TRAK1: variants seen among roughly 807,000 people sequenced by gnomAD.
The protein encoded by TRAK1 is trafficking kinesin-binding protein 1.
A neutral mutation model predicts 92.1 loss-of-function variants in TRAK1; 33 were observed. The ratio of observed to expected loss-of-function variants is 0.36; its 90% CI spans 0.27 to 0.48. TRAK1 has a LOEUF of 0.48. TRAK1 is among the 20% of genes least tolerant of loss of function. TRAK1 has a pLI of 0.99. For synonymous variants in TRAK1, 521 were observed against 517.3 expected, an observed-to-expected ratio of 1.01 and a Z score of -0.10; for missense variants, 1,123 against 1,257.9, an observed-to-expected ratio of 0.89 and a Z score of 1.62.
At chr3:42,163,650 A>C (rs1468903426) in intron 2 of TRAK1, among the ~76,000 whole-genome samples, 1 of 151,958 alleles carries the variant, frequency 6.6e-6, no homozygotes, top group Non-Finnish European at 1.5e-5. Flanking sequence ...GGGACCAAGC[A>C]AGCTGGGTTT....
intron 2 of TRAK1, among the ~76,000 whole-genome samples, chr3:42,169,808 C>A (rs1702325151): frequency 6.6e-6 from 1 of 152,154 alleles, no homozygotes; most frequent in African/African-American, 2.4e-5. Context: ...AAGTGCTTTG[C>A]CAAATCAGCC....
intron 1 of TRAK1, among the ~76,000 whole-genome samples, chr3:42,065,285 A>G (rs1418987376): frequency 6.6e-6 from 1 of 152,166 alleles, no homozygotes; most frequent in Non-Finnish European, 1.5e-5. Context: ...AAATAAAAAT[A>G]CAGATTGAGT....
At chr3:42,187,947 A>C (rs1559896657) in intron 4 of TRAK1, 98 bp from the exon 5 acceptor site, 5 of 1,025,342 alleles carry the variant, frequency 4.9e-6, no homozygotes, top group Non-Finnish European at 7.5e-6. Context: ...GAATTTTCAG[A>C]AAAATATTGT....
At chr3:42,104,127 G>A (rs562912240) in intron 1 of TRAK1, among the ~76,000 whole-genome samples, 4 of 152,314 alleles carry the variant, frequency 2.6e-5, no homozygotes, top group East Asian at 1.9e-4. Context: ...GGAGAGGGGC[G>A]TCCACCATTG....
At chr3:42,212,211 C>A (rs766552709) in intron 14 of TRAK1, 73 of 985,330 alleles carry the variant, frequency 7.4e-5, no homozygotes, top group Non-Finnish European at 8.7e-5. Flanking sequence ...AGGCATGGGG[C>A]ATCCTCTGTC....
intron 1 of TRAK1, among the ~76,000 whole-genome samples, chr3:42,123,924 C>T (rs1051225416): frequency 6.6e-6 from 1 of 152,140 alleles, no homozygotes; most frequent in South Asian, 2.1e-4. Context: ...AGGAGGATTG[C>T]GTGAGCCCAG....
chr3:42,111,352 C>T (rs748247794), intron 1 of TRAK1, among the ~76,000 whole-genome samples: 4 of 151,914 alleles, frequency 2.6e-5, no homozygotes, highest in East Asian at 3.9e-4. Flanking sequence ...CCTTATTGTC[C>T]GTGGACTAGG....
Position 42,224,423 on chromosome 3 carries a change from AAG to A in TRAK1, c.*690_*691del, listed in dbSNP as rs1710631578. On this transcript the variant is annotated 3_prime_UTR_variant, in exon 16 of 16. Coordinates refer to ENST00000327628, the MANE Select transcript of TRAK1 (RefSeq NM_001042646.3). ...CTGTCAGGCCAAATGTCTGACCCGA[AAG>A]AGAATGTATTTACACTCATGCTGCG... The A allele has an allele frequency of 4.1e-6, 1 of 245,638 alleles. No homozygotes were observed. Among genetic ancestry groups the A allele is most frequent in the Non-Finnish European group, 8.0e-6 (1 of 125,672 alleles). The allele number at this position is 245,638 out of a possible 1,614,324, so 15.2% of individuals were successfully genotyped here. A position where few individuals can be genotyped will look rare whatever the true frequency, so the allele number is the denominator to read the frequency against.
intron 2 of TRAK1, chr3:42,149,172 T>TGGTG: frequency 1.9e-6 from 2 of 1,031,818 alleles, no homozygotes; most frequent in Non-Finnish European, 2.3e-6. Context: ...AGACAGCCAG[T>TGGTG]GGTGGTGTGT....
At chr3:42,028,594 G>C (rs1227876440) in intron 1 of TRAK1, among the ~76,000 whole-genome samples, 1 of 152,196 alleles carries the variant, frequency 6.6e-6, no homozygotes, top group Non-Finnish European at 1.5e-5. Flanking sequence ...TTGAGCCATG[G>C]GAACATATGG....
chr3:42,223,910 A>G lies in TRAK1; in HGVS notation c.*173A>G. 2 of 751,422 alleles carry G rather than the reference A, an allele frequency of 2.7e-6. No individual in the cohort carries two copies. Among genetic ancestry groups the G allele is most frequent in the Non-Finnish European group, 4.3e-6 (2 of 460,546 alleles). 46.5% of individuals were successfully genotyped at this position (751,422 alleles called of 1,614,324 possible). On this transcript the variant is annotated 3_prime_UTR_variant, in exon 16 of 16. Transcript: ENST00000327628. This position sits in a 1 kb window ranked among gnomAD's most constrained non-coding sequence, Gnocchi z 6.1. Reference sequence around the variant, plus strand: ...ATGGAGGAAGTGTGGAAACTTTGTAAAATGTGTACATAGGACTTGGAGACC... The same window carrying G: ...ATGGAGGAAGTGTGGAAACTTTGTAGAATGTGTACATAGGACTTGGAGACC...
intron 2 of TRAK1, among the ~76,000 whole-genome samples, chr3:42,125,948 T>G (rs1710504361): frequency 6.6e-6 from 1 of 152,066 alleles, no homozygotes. Context: ...CCTCCTGGGT[T>G]CAAACGATTC....
intron 1 of TRAK1, among the ~76,000 whole-genome samples, chr3:42,042,071 C>T (rs1047752406): frequency 2.6e-5 from 4 of 152,074 alleles, no homozygotes; most frequent in Admixed American, 6.5e-5. Flanking sequence ...GAATTACAGG[C>T]ATGAGCCACT....
intron 10 of TRAK1, among the ~76,000 whole-genome samples, chr3:42,196,998 T>TCACACA (rs1378434520): frequency 5.4e-4 from 51 of 94,844 alleles, no homozygotes; most frequent in African/African-American, 2.1e-3. Context: ...TCTCTCTCTC[T>TCACACA]CTCTCACACA....
chr3:42,094,933 G>C (rs781147673), intron 1 of TRAK1, among the ~76,000 whole-genome samples: 4 of 152,180 alleles, frequency 2.6e-5, no homozygotes, highest in Non-Finnish European at 4.4e-5. Flanking sequence ...TGAAGACCCT[G>C]GGGGTGGGTC....
chr3:42,113,367 CG>C (rs1559784324), intron 1 of TRAK1, among the ~76,000 whole-genome samples: 6,757 of 142,938 alleles, frequency 0.047, 490 homozygotes, highest in African/African-American at 0.16. Flanking sequence ...CCTACGCCTA[CG>C]CCTACCCCTA....
chr3:42,201,885 C>CACGG (rs1707658632), intron 12 of TRAK1, among the ~76,000 whole-genome samples: 1 of 44,970 alleles, frequency 2.2e-5, no homozygotes, highest in African/African-American at 8.6e-5. Context: ...GACAGACGGA[C>CACGG]ACACACACAC....
intron 3 of TRAK1, among the ~76,000 whole-genome samples, chr3:42,183,992 C>A (rs1260256139): frequency 6.6e-6 from 1 of 152,158 alleles, no homozygotes; most frequent in Non-Finnish European, 1.5e-5. Flanking sequence ...AAATTCTGTG[C>A]CCTTAAGAGT....
At chr3:42,130,744 C>G (rs1194483637) in intron 2 of TRAK1, among the ~76,000 whole-genome samples, 1 of 152,092 alleles carries the variant, frequency 6.6e-6, no homozygotes. Context: ...CATATTAAAC[C>G]AGCTCCCCTT....
Sources: allele counts gnomAD v4.1 joint callset (sites outside exome capture counted in the v4.1 genomes callset), GRCh38; gene constraint gnomAD v4.1.1; non-coding constraint Gnocchi (gnomAD v3.1); transcripts MANE v1.5; gene names NCBI Gene and HGNC (gene_info 2026-07-23, HGNC 2026-07-21).